Variants in ZFAND6 observed in about 807,000 individuals in gnomAD.
ZFAND6 encodes zinc finger AN1-type containing 6, also known as AN1-type zinc finger protein 6.
ZFAND6 carries 12 observed loss-of-function variants against 24.5 expected under a neutral mutation model. That is an observed-to-expected ratio of 0.49 (90% CI 0.31 to 0.79). The LOEUF (loss-of-function observed/expected upper bound fraction) is 0.79. Ranked by LOEUF, ZFAND6 falls within the 30% of genes least tolerant of loss-of-function variation. The pLI is 0.04. For synonymous variants in ZFAND6, 92 were observed against 81.5 expected, an observed-to-expected ratio of 1.13 and a Z score of -0.69; for missense variants, 207 against 245.9, an observed-to-expected ratio of 0.84 and a Z score of 1.06.
chr15:80,093,318 A>C (rs1387855308), intron 1 of ZFAND6, among the ~76,000 whole-genome samples: 1 of 152,118 alleles, frequency 6.6e-6, no homozygotes, highest in African/African-American at 2.4e-5. Flanking sequence ...GGAACTCTTT[A>C]GGAACTTGAA....
chr15:80,091,117 G>T (rs1356573929), intron 1 of ZFAND6, among the ~76,000 whole-genome samples: 2 of 151,890 alleles, frequency 1.3e-5, no homozygotes, highest in African/African-American at 4.8e-5. Flanking sequence ...TTCTTGCAAA[G>T]AAAGATTTCA....
Position 80,137,679 on chromosome 15 carries a change from T to G in ZFAND6, c.*51T>G, listed in dbSNP as rs752880098. On this transcript the variant is annotated 3_prime_UTR_variant, in exon 7 of 7. Coordinates refer to ENST00000261749, the MANE Select transcript of ZFAND6 (RefSeq NM_019006.4). Reference sequence around the variant, plus strand: ...GAGCATCTGCAAACTAAAAATTGACTTGAGGTTTTTTTTTTCCTAGTCATT... The same window carrying G: ...GAGCATCTGCAAACTAAAAATTGACGTGAGGTTTTTTTTTTCCTAGTCATT... 6.6e-7 allele frequency: 1 copy of G among 1,511,546 alleles called. No individual in the cohort carries two copies. Among genetic ancestry groups the G allele is most frequent in the Admixed American group, 2.5e-5 (1 of 40,740 alleles). 93.6% of individuals were successfully genotyped at this position (1,511,546 alleles called of 1,614,324 possible).
chr15:80,102,773 G>A (rs986887984), intron 2 of ZFAND6, among the ~76,000 whole-genome samples: 12 of 152,092 alleles, frequency 7.9e-5, no homozygotes, highest in Non-Finnish European at 1.8e-4. Flanking sequence ...AATAGTGTAG[G>A]TGTTAGGGGA....
At chr15:80,071,367 G>A (rs945307108) in intron 1 of ZFAND6, among the ~76,000 whole-genome samples, 2 of 152,026 alleles carry the variant, frequency 1.3e-5, no homozygotes, top group Non-Finnish European at 1.5e-5. Context: ...CTTTAATTTC[G>A]AGTTTATGAA....
intron 5 of ZFAND6, among the ~76,000 whole-genome samples, chr15:80,127,589 CA>C (rs55872915): frequency 0.011 from 1,294 of 119,642 alleles, 13 homozygotes; most frequent in African/African-American, 0.044. Flanking sequence ...AACTCCATCT[CA>C]AAAAAAAAAA....
At chr15:80,064,472 T>C (rs2036503108) in intron 1 of ZFAND6, among the ~76,000 whole-genome samples, 1 of 152,178 alleles carries the variant, frequency 6.6e-6, no homozygotes, top group Admixed American at 6.5e-5. Flanking sequence ...CTAGTTTATC[T>C]TTTGCCCATT....
chr15:80,103,976 G>C (rs950992069), intron 2 of ZFAND6, among the ~76,000 whole-genome samples: 2 of 152,108 alleles, frequency 1.3e-5, no homozygotes, highest in Non-Finnish European at 2.9e-5. Flanking sequence ...AGGCTCCTGA[G>C]TAGCTGGGAC....
At chr15:80,109,249 C>A (rs2039488567) in intron 2 of ZFAND6, among the ~76,000 whole-genome samples, 2 of 152,144 alleles carry the variant, frequency 1.3e-5, no homozygotes, top group Non-Finnish European at 2.9e-5. Context: ...ATTTACCAAG[C>A]ATTATTCAAA....
chr15:80,107,629 A>G (rs1431740363), intron 2 of ZFAND6, among the ~76,000 whole-genome samples: 3 of 152,138 alleles, frequency 2.0e-5, no homozygotes, highest in Non-Finnish European at 4.4e-5. Flanking sequence ...GTTCAAGACC[A>G]GTCTGGCCAA....
chr15:80,124,745 A>G (rs2040301653), intron 5 of ZFAND6, among the ~76,000 whole-genome samples: 2 of 152,230 alleles, frequency 1.3e-5, no homozygotes, highest in Non-Finnish European at 2.9e-5. Context: ...AGGTTAAACC[A>G]GTATTAACTT....
At chr15:80,091,688 G>A (rs1308394347) in intron 1 of ZFAND6, among the ~76,000 whole-genome samples, 2 of 151,798 alleles carry the variant, frequency 1.3e-5, no homozygotes, top group Non-Finnish European at 2.9e-5. Context: ...CACCCCAGCT[G>A]GAGTGCAGAC....
At chr15:80,092,623 GTC>G (rs975163333) in intron 1 of ZFAND6, among the ~76,000 whole-genome samples, 1 of 152,150 alleles carries the variant, frequency 6.6e-6, no homozygotes, top group African/African-American at 2.4e-5. Flanking sequence ...CTGAATTAGT[GTC>G]TTACATTTTG....
intron 2 of ZFAND6, among the ~76,000 whole-genome samples, chr15:80,119,100 A>AC (rs11453565): frequency 0.7 from 106,015 of 151,848 alleles, 37,494 homozygotes; most frequent in Admixed American, 0.81. Flanking sequence ...GCCCGTTAGT[A>AC]CTTCTGTCAT....
chr15:80,131,656 G>A (rs945650126), intron 6 of ZFAND6: 8 of 270,778 alleles, frequency 3.0e-5, no homozygotes, highest in East Asian at 1.3e-4. Flanking sequence ...CTAATCATAC[G>A]TTGTTGTGTG....
intron 2 of ZFAND6, among the ~76,000 whole-genome samples, chr15:80,104,298 G>A (rs2039197847): frequency 6.6e-6 from 1 of 152,186 alleles, no homozygotes; most frequent in African/African-American, 2.4e-5. Flanking sequence ...GAGGCAAGTG[G>A]ATCATTTGAG....
chr15:80,078,570 A>G (rs1346787422), intron 1 of ZFAND6, among the ~76,000 whole-genome samples: 1 of 152,214 alleles, frequency 6.6e-6, no homozygotes, highest in Non-Finnish European at 1.5e-5. Context: ...TTTTGAGTAT[A>G]TACCCAGTAA....
intron 2 of ZFAND6, among the ~76,000 whole-genome samples, chr15:80,099,668 A>T (rs1027813773): frequency 3.1e-5 from 4 of 129,084 alleles, no homozygotes; most frequent in Admixed American, 3.0e-4. Flanking sequence ...CCCAGGCTGG[A>T]GGCAGTGGCA....
At chr15:80,072,152 C>T (rs1048061074) in intron 1 of ZFAND6, among the ~76,000 whole-genome samples, 10 of 152,070 alleles carry the variant, frequency 6.6e-5, no homozygotes, top group African/African-American at 2.4e-4. Context: ...TTTCTGTTGC[C>T]GTTTTACAAT....
chr15:80,086,133 G>C (rs2037989173), intron 1 of ZFAND6, among the ~76,000 whole-genome samples: 1 of 152,154 alleles, frequency 6.6e-6, no homozygotes, highest in African/African-American at 2.4e-5. Context: ...CCGTCTGCCG[G>C]GTTCGAGTGA....
Sources: gnomAD v4.1 joint callset for allele counts (sites outside exome capture counted in the v4.1 genomes callset) on GRCh38, gnomAD v4.1.1 for gene constraint, MANE v1.5 for transcripts, NCBI Gene and HGNC (gene_info 2026-07-23, HGNC 2026-07-21) for gene names.